AK8: variants seen among roughly 807,000 people sequenced by gnomAD.
The protein encoded by AK8 is ATP-AMP transphosphorylase 8.
A neutral mutation model predicts 54.6 loss-of-function variants in AK8; 44 were observed. The observed-to-expected ratio is 0.81, with a 90% CI of 0.63 to 1.04. AK8 has a LOEUF of 1.04. Among genes scored for constraint, AK8 ranks in the 50% least tolerant of loss-of-function variants. The probability of loss-of-function intolerance (pLI) is 0.00; values close to 1 mark genes in which losing one functional copy is unlikely to be tolerated. For missense variants in AK8, 555 were observed against 613.6 expected (o/e 0.90, Z 1.01); for synonymous variants, 239 against 245.6 (o/e 0.97, Z 0.25).
Position 132,854,848 on chromosome 9 carries a change from G to A in AK8, c.402+9C>T, listed in dbSNP as rs201094006. On this transcript the variant is annotated intron_variant, in intron 5 of 12. Coordinates refer to ENST00000298545, the MANE Select transcript of AK8 (RefSeq NM_152572.3). ...TGGCACTGAAACCCCTAGCTCACTG[G>A]AGTCTTACCTGCTTGATGCAATCCT... 8.8e-4 allele frequency: 1,422 copies of A among 1,613,842 alleles called. No individual in the cohort carries two copies. Among genetic ancestry groups the A allele is most frequent in the Non-Finnish European group, 1.2e-3 (1,367 of 1,179,986 alleles).
chr9:132,741,246 C>G (rs57595684), intron 11 of AK8, among the ~76,000 whole-genome samples: 412 of 152,334 alleles, frequency 2.7e-3, no homozygotes, highest in African/African-American at 9.5e-3. Flanking sequence ...GTGTCCGAAT[C>G]CCCCCGACAC....
chr9:132,795,661 A>G (rs1461641938), intron 10 of AK8, among the ~76,000 whole-genome samples: 1 of 152,098 alleles, frequency 6.6e-6, no homozygotes, highest in East Asian at 1.9e-4. Flanking sequence ...TGTGCTGGAC[A>G]TGGGATACGG....
intron 11 of AK8, among the ~76,000 whole-genome samples, chr9:132,771,878 T>C (rs940160442): frequency 2.0e-5 from 3 of 152,136 alleles, no homozygotes; most frequent in Non-Finnish European, 4.4e-5. Context: ...GGACTGACAG[T>C]TCCACATGGC....
intron 11 of AK8, among the ~76,000 whole-genome samples, chr9:132,744,696 A>C (rs1482143188): frequency 2.6e-5 from 4 of 152,328 alleles, no homozygotes; most frequent in African/African-American, 9.6e-5. Context: ...TGTCCCCAGG[A>C]AACTGGGAAA....
intron 11 of AK8, among the ~76,000 whole-genome samples, chr9:132,744,560 T>A (rs1243990415): frequency 6.6e-6 from 1 of 152,096 alleles, no homozygotes; most frequent in Non-Finnish European, 1.5e-5. Context: ...GGGAAAAACA[T>A]ACCCTTTAGC....
chr9:132,743,816 C>T (rs1033742409), intron 11 of AK8, among the ~76,000 whole-genome samples: 3 of 152,186 alleles, frequency 2.0e-5, no homozygotes, highest in South Asian at 2.1e-4. Context: ...GTGCCCATTT[C>T]GAGGGTGCAA....
chr9:132,840,303 C>T lies in AK8; in HGVS notation c.403-11577G>A, dbSNP rs535139728. Among the ~76,000 whole-genome samples, 3 of 152,130 alleles carry T rather than the reference C, an allele frequency of 2.0e-5. No homozygotes were observed. The East Asian group carries it at 5.8e-4, about 29-fold the overall frequency. ...CAGCTCCATCTCCAAAGGAGTGAAC[C>T]GAGCATCTCACGTGCTTGGCTTCTT... On this transcript the variant is annotated intron_variant, in intron 5 of 12. Coordinates refer to ENST00000298545, the MANE Select transcript of AK8 (RefSeq NM_152572.3).
chr9:132,825,340 A>G (rs1408012541), intron 8 of AK8, among the ~76,000 whole-genome samples: 1 of 152,186 alleles, frequency 6.6e-6, no homozygotes, highest in Non-Finnish European at 1.5e-5. Context: ...TAATATTCAG[A>G]CACTCACATT....
At chr9:132,727,150 A>C (rs1836613852) in intron 12 of AK8, among the ~76,000 whole-genome samples, 1 of 152,146 alleles carries the variant, frequency 6.6e-6, no homozygotes, top group African/African-American at 2.4e-5. Context: ...GTGAGGAAAC[A>C]GGTGACGCCC....
Position 132,827,064 on chromosome 9 carries a change from G to A in AK8, c.557-10C>T, listed in dbSNP as rs1204807113. The A allele has an allele frequency of 6.2e-7, 1 of 1,613,616 alleles. No individual in the cohort carries two copies. The highest frequency in any genetic ancestry group is 1.3e-5 in the African/African-American group (1 of 74,934). On this transcript the variant is annotated splice_polypyrimidine_tract_variant and intron_variant, in intron 7 of 12. Coordinates refer to ENST00000298545, the MANE Select transcript of AK8 (RefSeq NM_152572.3). ...GTGGTGTGATAAATCTCTACAAGGA[G>A]AGAGGTGCACAGTTAGAAATGGCCA... is the stretch of plus-strand genomic sequence containing the variant.
intron 10 of AK8, among the ~76,000 whole-genome samples, chr9:132,804,802 A>G (rs1273276199): frequency 6.6e-6 from 1 of 152,098 alleles, no homozygotes; most frequent in African/African-American, 2.4e-5. Context: ...CTTCTGGTTG[A>G]CAAACCCCAG....
In AK8 at chr9:132,826,916, G is replaced by A. The variant is rs1841893466; in HGVS notation, c.695C>T (p.Ser232Phe). Residue 232 changes from serine to phenylalanine, a missense_variant, in exon 8 of 13, where the codon TCC (serine) becomes TTC (phenylalanine). By Grantham distance (155) the Ser-to-Phe change is radical. Coordinates refer to ENST00000298545, the MANE Select transcript of AK8 (RefSeq NM_152572.3). This position sits in a 1 kb window ranked among gnomAD's most constrained non-coding sequence, Gnocchi z 4.5. Reference sequence around the variant, plus strand: ...GATGACTTTGAGGATTTTGGGGTAGGAGGGAATGACCCTGACGATGTTCCT... The same window carrying A: ...GATGACTTTGAGGATTTTGGGGTAGAAGGGAATGACCCTGACGATGTTCCT... ...YHRNIVRVIP[S>F]YPKILKVISA... 1 of 1,614,250 alleles carries A rather than the reference G, an allele frequency of 6.2e-7. No individual in the cohort carries two copies. Among genetic ancestry groups the A allele is most frequent in the Non-Finnish European group, 8.5e-7 (1 of 1,180,044 alleles).
In AK8 at chr9:132,875,098, C is replaced by A. The variant is rs763990755; in HGVS notation, c.169+17G>T. 3 of 1,613,638 alleles carry A rather than the reference C, an allele frequency of 1.9e-6. No homozygotes were observed. The highest frequency in any genetic ancestry group is 2.2e-5 in the South Asian group (2 of 90,954). ...GAAGGGAAGACGAGGAGGGGAAGAG[C>A]CCCAGCCAGTGCTCACCATTGTCGT... On this transcript the variant is annotated intron_variant, in intron 2 of 12. Coordinates refer to ENST00000298545, the MANE Select transcript of AK8 (RefSeq NM_152572.3).
intron 9 of AK8, among the ~76,000 whole-genome samples, 175 bp from the exon 10 acceptor site, chr9:132,814,902 G>A (rs185891015): frequency 1.3e-5 from 2 of 152,290 alleles, no homozygotes; most frequent in African/African-American, 4.8e-5. Flanking sequence ...TATCAAAAAG[G>A]AGCCGGGAAA....
At chr9:132,833,489 C>T (rs1001671561) in intron 5 of AK8, among the ~76,000 whole-genome samples, 1 of 152,228 alleles carries the variant, frequency 6.6e-6, no homozygotes, top group Non-Finnish European at 1.5e-5. Context: ...ATCTTCCTGA[C>T]ACTTCAGTGA....
rs145634025 is a variant in AK8, at chr9:132,849,395, G to A, written c.402+5462C>T. Among the ~76,000 whole-genome samples the A allele has an allele frequency of 3.2e-3, 485 of 152,202 alleles. 8 individuals carry two copies. The highest frequency in any genetic ancestry group is 0.011 in the African/African-American group (443 of 41,512). On this transcript the variant is annotated intron_variant, in intron 5 of 12. Coordinates refer to ENST00000298545, the MANE Select transcript of AK8 (RefSeq NM_152572.3). ...GCCCTTTTGTGTCTGTGTTGTGTAC[G>A]GCTGCCTTTGTATTACATCAGAGCT...
chr9:132,727,475 ATTC>A lies in AK8; in HGVS notation c.1178_1180del (p.Arg393del). 6.2e-7 allele frequency: 1 copy of A among 1,614,126 alleles called. No individual in the cohort carries two copies. The highest frequency in any genetic ancestry group is 8.5e-7 in the Non-Finnish European group (1 of 1,179,984). ...AAACCTTTCCCCAGTGACTGGATCA[ATTC>A]TTCTCAGAGTCAGCCGCTCCATGAT... On this transcript the variant is annotated inframe_deletion, in exon 12 of 13. Transcript: ENST00000298545.
chr9:132,810,934 A>G (rs999203199), intron 10 of AK8, among the ~76,000 whole-genome samples: 1 of 152,234 alleles, frequency 6.6e-6, no homozygotes, highest in African/African-American at 2.4e-5. Flanking sequence ...GAGCACTGAC[A>G]AACCAATTAG....
chr9:132,841,956 C>T (rs1242865568), intron 5 of AK8, among the ~76,000 whole-genome samples: 1 of 152,088 alleles, frequency 6.6e-6, no homozygotes, highest in Non-Finnish European at 1.5e-5. Flanking sequence ...GGGGGGACCT[C>T]CACCCTTAGG....
Sources: allele counts gnomAD v4.1 joint callset (sites outside exome capture counted in the v4.1 genomes callset), GRCh38; gene constraint gnomAD v4.1.1; non-coding constraint Gnocchi (gnomAD v3.1); transcripts MANE v1.5; gene names NCBI Gene and HGNC (gene_info 2026-07-23, HGNC 2026-07-21).